Variants in PDGFA observed in about 807,000 individuals in gnomAD.
PDGFA encodes the protein platelet derived growth factor subunit A.
Under a neutral mutation model 25.6 loss-of-function variants are expected in PDGFA, and 9 were observed. The ratio of observed to expected loss-of-function variants is 0.35; its 90% CI spans 0.21 to 0.61. The LOEUF (loss-of-function observed/expected upper bound fraction) is 0.61. PDGFA is among the 20% of genes least tolerant of loss of function. The pLI, the probability that PDGFA is intolerant of heterozygous loss-of-function variation, is 0.75. For missense variants in PDGFA, 242 were observed against 272.8 expected, an observed-to-expected ratio of 0.89 and a Z score of 0.79; for synonymous variants, 133 against 111.8, an observed-to-expected ratio of 1.19 and a Z score of -1.20.
At chr7:501,913 A>G (rs1459967198) in intron 4 of PDGFA, among the ~76,000 whole-genome samples, 1 of 152,122 alleles carries the variant, frequency 6.6e-6, no homozygotes, top group Non-Finnish European at 1.5e-5. Flanking sequence ...TCAAATGATC[A>G]CGTTGTTTTT....
At chr7:498,358 T>G (rs901620958) in exon 6 of PDGFA, 39 of 544,696 alleles carry the variant, frequency 7.2e-5, no homozygotes, top group African/African-American at 7.0e-4. Flanking sequence ...AGCTTCTTAC[T>G]GCTTCACCGA....
chr7:502,292 G>A (rs1189265260), intron 4 of PDGFA, among the ~76,000 whole-genome samples: 1 of 71,780 alleles, frequency 1.4e-5, no homozygotes, highest in Admixed American at 1.1e-4. Flanking sequence ...CCTAGCCCAA[G>A]GTTGCTGTGG....
At chr7:518,640 G>A (rs1307979387) in intron 1 of PDGFA, 5 of 345,064 alleles carry the variant, frequency 1.4e-5, no homozygotes, top group African/African-American at 6.4e-5. Flanking sequence ...CTGCTGCAGC[G>A]CCCGCTGCGC....
Position 500,908 on chromosome 7 carries a change from G to C in PDGFA, c.580+208C>G. 1 of 1,585,120 alleles carries C rather than the reference G, an allele frequency of 6.3e-7. No homozygotes were observed. The highest frequency in any genetic ancestry group is 8.5e-7 in the Non-Finnish European group (1 of 1,173,000). On this transcript the variant is annotated intron_variant, in intron 5 of 5. Coordinates refer to ENST00000402802, the Ensembl canonical transcript of PDGFA. This position sits in a 1 kb window ranked among gnomAD's most constrained non-coding sequence, Gnocchi z 5.0. The stretch of plus-strand genomic sequence containing the variant: ...TCCTCTCCTGCCAGTGCCGCAGCTT[G>C]GGCCACCCTCCCCACCGGACACCTG...
intron 4 of PDGFA, among the ~76,000 whole-genome samples, chr7:505,657 C>A (rs978261913): frequency 1.3e-5 from 2 of 152,200 alleles, no homozygotes; most frequent in Non-Finnish European, 2.9e-5. Flanking sequence ...AGGACACCAT[C>A]GTGGTCCATT....
chr7:517,957 C>T lies in PDGFA; in HGVS notation c.64-467G>A, dbSNP rs1356509273. On this transcript the variant is annotated intron_variant, in intron 1 of 5. Coordinates refer to ENST00000402802, the Ensembl canonical transcript of PDGFA. The surrounding 1 kb of genome is among the most constrained non-coding windows in gnomAD (Gnocchi z 7.4). Reference sequence around the variant, plus strand: ...GGCTTAAATTTCACGCCCCGGAATCCCGGGCCGAACCCGTGGAGAGGTCTC... The same window carrying T: ...GGCTTAAATTTCACGCCCCGGAATCTCGGGCCGAACCCGTGGAGAGGTCTC... Among the ~76,000 whole-genome samples the T allele has an allele frequency of 5.9e-5, 9 of 152,162 alleles. No homozygotes were observed. Among genetic ancestry groups the T allele is most frequent in the Non-Finnish European group, 1.3e-4 (9 of 68,028 alleles).
chr7:516,583 AAG>A (rs1783113745), intron 2 of PDGFA, among the ~76,000 whole-genome samples: 2 of 152,184 alleles, frequency 1.3e-5, no homozygotes, highest in Admixed American at 6.5e-5. Flanking sequence ...GCACGCCTGG[AAG>A]AGAGACCTCG....
chr7:497,989 A>AC (rs1278596138), exon 6 of PDGFA: 4 of 149,624 alleles, frequency 2.7e-5, no homozygotes, highest in Non-Finnish European at 4.4e-5. Flanking sequence ...CAAAAACAAA[A>AC]AAAAAAACCA....
At chr7:509,593 A>G (rs1782709305) in intron 4 of PDGFA, among the ~76,000 whole-genome samples, 1 of 152,036 alleles carries the variant, frequency 6.6e-6, no homozygotes, top group African/African-American at 2.4e-5. Context: ...GCCTGGCCCG[A>G]TTAGTTTCTA....
exon 1 of PDGFA, chr7:519,204 G>C: frequency 2.4e-6 from 1 of 416,944 alleles, no homozygotes; most frequent in Non-Finnish European, 4.3e-6. Flanking sequence ...GCCAGGAGGA[G>C]GAGAAACAGG....
In PDGFA at chr7:508,559, C is replaced by CAAAAAAAAAAAAA. The variant is rs766165770; in HGVS notation, c.453+2237_453+2249dup. Among the ~76,000 whole-genome samples the CAAAAAAAAAAAAA allele has an allele frequency of 7.6e-4, 27 of 35,670 alleles. 1 individual carries two copies. The highest frequency in any genetic ancestry group is 2.1e-3 in the African/African-American group (19 of 9,006). The allele number at this position is 35,670 out of a possible 152,430, so 23.4% of individuals were successfully genotyped here. A position where few individuals can be genotyped will look rare whatever the true frequency, so the allele number is the denominator to read the frequency against. ...TGGGCAACAGAGCAAGAAGCTGTCC[C>CAAAAAAAAAAAAA]AAAAAAAAAAAAAAAAAAAAAAAAA... On this transcript the variant is annotated intron_variant, in intron 4 of 5. Coordinates refer to ENST00000402802, the Ensembl canonical transcript of PDGFA.
chr7:510,206 G>T (rs373628390), intron 4 of PDGFA, among the ~76,000 whole-genome samples: 1 of 152,094 alleles, frequency 6.6e-6, no homozygotes, highest in Admixed American at 6.5e-5. Context: ...GGCCAGGCTC[G>T]TCGCCAGAGC....
chr7:512,251 C>T (rs955977923), intron 3 of PDGFA, 100 bp downstream of exon 3: 15 of 1,119,392 alleles, frequency 1.3e-5, no homozygotes, highest in African/African-American at 3.1e-5. Flanking sequence ...GCTGGGAGAG[C>T]GGGCAGCTCC....
intron 3 of PDGFA, among the ~76,000 whole-genome samples, chr7:512,125 C>G (rs1782879601): frequency 2.0e-5 from 3 of 152,194 alleles, no homozygotes; most frequent in South Asian, 2.1e-4. Context: ...AGCAGGCGGG[C>G]TGGGGCAGGA....
rs753138478 is a variant in PDGFA at position 501,052 on chromosome 7, C to A, written c.580+64G>T. On this transcript the variant is annotated intron_variant, in intron 5 of 5. Transcript: ENST00000402802. ...TTGCGCTCAAGGGGGCCACCTAACA[C>A]CCCAAAAGCAAGGCTCTGAAGACCT... 12 of 1,613,590 alleles carry A rather than the reference C, an allele frequency of 7.4e-6. No homozygotes were observed. The African/African-American group carries it at 8.0e-5, about 11-fold the overall frequency.
At chr7:502,056 C>G (rs1048404325) in intron 4 of PDGFA, among the ~76,000 whole-genome samples, 7 of 152,092 alleles carry the variant, frequency 4.6e-5, no homozygotes, top group African/African-American at 1.7e-4. Context: ...AAGACCCTGC[C>G]TCTAAAAACA....
intron 5 of PDGFA, among the ~76,000 whole-genome samples, chr7:498,862 C>T (rs1782205857): frequency 6.6e-6 from 1 of 152,194 alleles, no homozygotes; most frequent in South Asian, 2.1e-4. Context: ...CCAAGAATGG[C>T]TCATTTGCCC....
chr7:504,021 A>G (rs1044929592), intron 4 of PDGFA, among the ~76,000 whole-genome samples: 2 of 152,168 alleles, frequency 1.3e-5, no homozygotes, highest in Non-Finnish European at 1.5e-5. Context: ...AGGCCTCCGC[A>G]GGCCGTGCAC....
At chr7:504,744 G>A (rs1782487338) in intron 4 of PDGFA, among the ~76,000 whole-genome samples, 2 of 152,362 alleles carry the variant, frequency 1.3e-5, no homozygotes, top group South Asian at 4.1e-4. Context: ...CAGCCTCTTT[G>A]GTCAACAAGC....
Sources: allele counts gnomAD v4.1 joint callset (sites outside exome capture counted in the v4.1 genomes callset), GRCh38; gene constraint gnomAD v4.1.1; non-coding constraint Gnocchi (gnomAD v3.1); transcripts MANE v1.5; gene names NCBI Gene and HGNC (gene_info 2026-07-23, HGNC 2026-07-21).